HTR2B: variants seen among roughly 807,000 people sequenced by gnomAD.
HTR2B encodes 5-hydroxytryptamine receptor 2B.
Under a neutral mutation model 39.8 loss-of-function variants are expected in HTR2B, and 31 were observed. The observed-to-expected ratio is 0.78, with a 90% CI of 0.58 to 1.05. The LOEUF (loss-of-function observed/expected upper bound fraction) is 1.05. Among genes scored for constraint, HTR2B ranks in the 50% least tolerant of loss-of-function variants. HTR2B has a pLI of 0.00. For missense variants in HTR2B, 562 were observed against 578.0 expected (o/e 0.97, Z 0.28); for synonymous variants, 210 against 207.1 (o/e 1.01, Z -0.12).
At chr2:231,118,524 C>T (rs1338192632) in intron 2 of HTR2B, among the ~76,000 whole-genome samples, 1 of 152,110 alleles carries the variant, frequency 6.6e-6, no homozygotes. Flanking sequence ...ATTTTATATA[C>T]GGTACAGGAA....
intron 3 of HTR2B, 117 bp downstream of exon 3, chr2:231,113,612 A>G (rs1695231074): frequency 2.3e-6 from 2 of 854,476 alleles, no homozygotes; most frequent in East Asian, 2.4e-5. Context: ...TTAATGTATC[A>G]GTAGGCTGGC....
chr2:231,122,666 CT>C (rs1399761153), intron 2 of HTR2B, among the ~76,000 whole-genome samples: 5 of 151,828 alleles, frequency 3.3e-5, no homozygotes, highest in African/African-American at 9.7e-5. Context: ...CTACTTATAT[CT>C]TTTTTTTATT....
rs1160970993 is a variant in HTR2B at position 231,108,357 on chromosome 2, T to C, written c.*160A>G. On this transcript the variant is annotated 3_prime_UTR_variant, in exon 4 of 4. Coordinates refer to ENST00000258400, the MANE Select transcript of HTR2B (RefSeq NM_000867.5). Reference sequence around the variant, plus strand: ...TTATTTTCCTCATGGAATAATCTTGTCCAAATTAGGAAAATTAGATATTCT... The same window carrying C: ...TTATTTTCCTCATGGAATAATCTTGCCCAAATTAGGAAAATTAGATATTCT... The C allele has an allele frequency of 1.6e-6, 1 of 611,800 alleles. No homozygotes were observed. Among genetic ancestry groups the C allele is most frequent in the Non-Finnish European group, 2.8e-6 (1 of 353,950 alleles). 37.9% of individuals were successfully genotyped at this position (611,800 alleles called of 1,614,324 possible).
chr2:231,110,708 A>G (rs1000678879), intron 3 of HTR2B, among the ~76,000 whole-genome samples: 1 of 152,222 alleles, frequency 6.6e-6, no homozygotes, highest in Non-Finnish European at 1.5e-5. Context: ...CTTGTTCTAC[A>G]CCAGGGGTCA....
rs770519903 is a variant in HTR2B at position 231,123,768 on chromosome 2, C to G, written c.-4G>C. On this transcript the variant is annotated 5_prime_UTR_variant, in exon 2 of 4. Coordinates refer to ENST00000258400, the MANE Select transcript of HTR2B (RefSeq NM_000867.5). ...ACACTCTGTAAGAGAGAGCCATTTG[C>G]TGTTTTTCTGTGATTCAATCCCGTT... 11 of 1,605,822 alleles carry G rather than the reference C, an allele frequency of 6.9e-6. No homozygotes were observed. The South Asian group carries it at 1.2e-4, about 18-fold the overall frequency.
At chr2:231,111,829 T>C (rs1308668704) in intron 3 of HTR2B, among the ~76,000 whole-genome samples, 4 of 152,240 alleles carry the variant, frequency 2.6e-5, no homozygotes, top group African/African-American at 9.6e-5. Flanking sequence ...AGTCTTCCTT[T>C]TAATCTTTTT....
At chr2:231,114,005 A>G in intron 2 of HTR2B, 76 bp from the exon 3 acceptor site, 1 of 1,167,860 alleles carries the variant, frequency 8.6e-7, no homozygotes, top group South Asian at 1.3e-5. Context: ...TTCAGGTGAT[A>G]CATCTTTTGT....
chr2:231,120,077 G>A (rs535039971), intron 2 of HTR2B, among the ~76,000 whole-genome samples: 5 of 151,322 alleles, frequency 3.3e-5, no homozygotes, highest in South Asian at 4.2e-4. Flanking sequence ...TCAGTCTCCC[G>A]AGTAGCTGGG....
chr2:231,119,122 G>T (rs775547931), intron 2 of HTR2B, among the ~76,000 whole-genome samples: 7 of 152,176 alleles, frequency 4.6e-5, no homozygotes, highest in Non-Finnish European at 8.8e-5. Context: ...GCATTTTAAT[G>T]CTTACAGAAT....
Position 231,108,360 on chromosome 2 carries a change from A to C in HTR2B, c.*157T>G, listed in dbSNP as rs1401224171. 1.6e-6 allele frequency: 1 copy of C among 618,246 alleles called. No homozygotes were observed. The highest frequency in any genetic ancestry group is 2.8e-6 in the Non-Finnish European group (1 of 359,000). 38.3% of individuals were successfully genotyped at this position (618,246 alleles called of 1,614,324 possible). A position where few individuals can be genotyped will look rare whatever the true frequency, so the allele number is the denominator to read the frequency against. ...TTTTCCTCATGGAATAATCTTGTCC[A>C]AATTAGGAAAATTAGATATTCTTAA... On this transcript the variant is annotated 3_prime_UTR_variant, in exon 4 of 4. Coordinates refer to ENST00000258400, the MANE Select transcript of HTR2B (RefSeq NM_000867.5).
Position 231,113,836 on chromosome 2 carries a change from A to G in HTR2B, c.446T>C (p.Ile149Thr), listed in dbSNP as rs1222672694. The G allele has an allele frequency of 1.2e-6, 2 of 1,614,184 alleles. No individual in the cohort carries two copies. The highest frequency in any genetic ancestry group is 1.7e-6 in the Non-Finnish European group (2 of 1,179,998). The change falls in exon 3 of 4, where the codon ATT becomes ACT. Residue 149 changes from isoleucine (I) to threonine (T), a missense_variant. By Grantham distance (89) the Ile-to-Thr change is moderately conservative. Coordinates refer to ENST00000258400, the MANE Select transcript of HTR2B (RefSeq NM_000867.5). ...GATGGCTATGTAACGATCCACTGAAATGGCACAGAGATGCATGATGGATGC... is the reference window on the plus strand; with the variant it reads ...GATGGCTATGTAACGATCCACTGAAGTGGCACAGAGATGCATGATGGATGC... Reference protein sequence around the residue: ...STASIMHLCAISVDRYIAIKK... With the variant: ...STASIMHLCATSVDRYIAIKK...
At chr2:231,110,923 T>A (rs1056455242) in intron 3 of HTR2B, among the ~76,000 whole-genome samples, 5 of 152,250 alleles carry the variant, frequency 3.3e-5, no homozygotes, top group African/African-American at 1.2e-4. Context: ...AAAAGTTTGC[T>A]GACCCCTGCT....
chr2:231,123,690 G>C lies in HTR2B; in HGVS notation c.75C>G (p.His25Gln), dbSNP rs752517264. The C allele has an allele frequency of 6.2e-7, 1 of 1,614,008 alleles. No homozygotes were observed. Among genetic ancestry groups the C allele is most frequent in the Admixed American group, 1.7e-5 (1 of 60,026 alleles). ...ATCCAGACCAGTTAGAAGAGATAAC[G>C]TGAACAAAGGTGCTCTGCAAAATGT... is the stretch of plus-strand genomic sequence containing the variant. ...PEHILQSTFVHVISSNWSGLQ... is the reference protein window; with the variant it reads ...PEHILQSTFVQVISSNWSGLQ... Residue 25 changes from histidine to glutamine, a missense_variant, in exon 2 of 4, where the codon CAC (histidine) becomes CAG (glutamine). By Grantham distance (24) the His-to-Gln change is conservative. Transcript: ENST00000258400.
At chr2:231,120,151 C>G (rs1695488148) in intron 2 of HTR2B, among the ~76,000 whole-genome samples, 1 of 151,954 alleles carries the variant, frequency 6.6e-6, no homozygotes, top group Admixed American at 6.6e-5. Flanking sequence ...AGGGTTTCGC[C>G]ATCTTGGCCA....
chr2:231,113,710 T>A lies in HTR2B; in HGVS notation c.553+19A>T. On this transcript the variant is annotated intron_variant, in intron 3 of 3. Coordinates refer to ENST00000258400, the MANE Select transcript of HTR2B (RefSeq NM_000867.5). ...CAAAGATTTTGTATACCACCCACAC[T>A]CTGGCATTCTCTACATACCTATTGA... The A allele has an allele frequency of 1.2e-6, 2 of 1,605,226 alleles. No individual in the cohort carries two copies. The highest frequency in any genetic ancestry group is 1.7e-6 in the Non-Finnish European group (2 of 1,172,450).
chr2:231,123,111 A>T (rs1363801671), intron 2 of HTR2B, among the ~76,000 whole-genome samples: 1 of 152,208 alleles, frequency 6.6e-6, no homozygotes, highest in African/African-American at 2.4e-5. Context: ...CCTATTTACT[A>T]TAATTTATAG....
At chr2:231,117,791 C>A (rs145109996) in intron 2 of HTR2B, among the ~76,000 whole-genome samples, 146 of 152,204 alleles carry the variant, frequency 9.6e-4, no homozygotes, top group African/African-American at 3.4e-3. Flanking sequence ...TATAGGTTGA[C>A]GCACAAGTAT....
At position 231,121,725 on chromosome 2, in the gene HTR2B, A is replaced by G. The variant is rs550670003; in HGVS notation, c.352+1688T>C. 4.6e-5 allele frequency among the ~76,000 whole-genome samples: 7 copies of G among 152,302 alleles called. No homozygotes were observed. The South Asian group carries it at 1.0e-3, about 23-fold the overall frequency. On this transcript the variant is annotated intron_variant, in intron 2 of 3. Coordinates refer to ENST00000258400, the MANE Select transcript of HTR2B (RefSeq NM_000867.5). Reference sequence around the variant, plus strand: ...TATTTAGCTGATAATTTAAGTATCTACCATGGTACTTTGCATATAATAGAT... The same window carrying G: ...TATTTAGCTGATAATTTAAGTATCTGCCATGGTACTTTGCATATAATAGAT...
chr2:231,113,978 C>G (rs764933950), intron 2 of HTR2B, 49 bp from the exon 3 acceptor site: 5 of 1,476,214 alleles, frequency 3.4e-6, no homozygotes, highest in Non-Finnish European at 4.7e-6. Context: ...AAAATGGCAA[C>G]TTTCAGTCTA....
Sources: gnomAD v4.1 joint callset for allele counts (sites outside exome capture counted in the v4.1 genomes callset) on GRCh38, gnomAD v4.1.1 for gene constraint, MANE v1.5 for transcripts, NCBI Gene and HGNC (gene_info 2026-07-23, HGNC 2026-07-21) for gene names.